The following OVCH1 variants were observed in gnomAD, a reference collection of about 807,000 sequenced individuals.
The protein encoded by OVCH1 is ovochymase 1, also known as ovochymase-1.
A neutral mutation model predicts 138.4 loss-of-function variants in OVCH1; 139 were observed. That is an observed-to-expected ratio of 1.00 (90% CI 0.87 to 1.16). The LOEUF (loss-of-function observed/expected upper bound fraction) is 1.16, where lower values mean the gene tolerates loss of function less well. OVCH1 is among the 50% of genes most tolerant of loss of function. The pLI is 0.00. For missense variants in OVCH1, 1,367 were observed against 1,357.9 expected, an observed-to-expected ratio of 1.01 and a Z score of -0.11; for synonymous variants, 453 against 467.8, an observed-to-expected ratio of 0.97 and a Z score of 0.41.
chr12:29,419,057 T>C (rs1941068547), intron 3 of OVCH1, among the ~76,000 whole-genome samples: 1 of 152,030 alleles, frequency 6.6e-6, no homozygotes, highest in South Asian at 2.1e-4. Context: ...GAGGTCTTAC[T>C]ATGTTGCCCA....
chr12:29,427,495 C>T (rs965330078), downstream of OVCH1: 68 of 1,533,786 alleles, frequency 4.4e-5, no homozygotes, highest in Admixed American at 3.4e-4. Context: ...TGATTGAGGA[C>T]GTGAAACTTG....
rs145438752 is a variant in OVCH1 at position 29,439,426 on chromosome 12, C to A, written c.3166G>T (p.Ala1056Ser). Residue 1056 changes from alanine to serine, a missense_variant, in exon 26 of 28, where the codon GCT (alanine) becomes TCT (serine). Physicochemically the swap from Ala to Ser is moderately conservative, Grantham distance 99 (BLOSUM62 1). Transcript: ENST00000318184. ...GTCAGTATCATTGCCAGAGTTCCAGCGAATGAAGCTAAGATGGTCTGAGAA... is the reference window on the plus strand; with the variant it reads ...GTCAGTATCATTGCCAGAGTTCCAGAGAATGAAGCTAAGATGGTCTGAGAA... The A allele has an allele frequency of 5.4e-5, 82 of 1,518,494 alleles. No individual in the cohort carries two copies. The African/African-American group carries it at 9.8e-4, about 18-fold the overall frequency. 94.1% of individuals were successfully genotyped at this position (1,518,494 alleles called of 1,614,324 possible).
chr12:29,491,114 C>T lies in OVCH1; in HGVS notation c.533G>A (p.Trp178Ter). 6.2e-7 allele frequency: 1 copy of T among 1,613,620 alleles called. No homozygotes were observed. The highest frequency in any genetic ancestry group is 1.1e-5 in the South Asian group (1 of 91,062). Residue 178 changes from tryptophan to a stop codon, truncating the protein, a stop_gained, in exon 5 of 28, where the codon TGG becomes TAG. Transcript: ENST00000318184. LOFTEE classifies it high-confidence loss of function. ...TCTCTTACTTTTGGAAATCTTGCCCCATCCACTGGATAAGCAAAGAATTCC... is the reference window on the plus strand; with the variant it reads ...TCTCTTACTTTTGGAAATCTTGCCCTATCCACTGGATAAGCAAAGAATTCC...
the OVCH1 span, among the ~76,000 whole-genome samples, chr12:29,405,037 A>C: frequency 8.3e-5 from 12 of 145,280 alleles, no homozygotes; most frequent in African/African-American, 3.0e-4. Flanking sequence ...AAAAAAAAAA[A>C]AAAAAAAAAA....
intron 26 of OVCH1, among the ~76,000 whole-genome samples, chr12:29,436,255 TTAA>T (rs1426819296): frequency 6.7e-6 from 1 of 149,592 alleles, no homozygotes; most frequent in African/African-American, 2.5e-5. Flanking sequence ...AAAGCTTATT[TTAA>T]TAATATAAGT....
chr12:29,484,270 T>C (rs1943024386), intron 8 of OVCH1, among the ~76,000 whole-genome samples: 1 of 152,228 alleles, frequency 6.6e-6, no homozygotes, highest in Non-Finnish European at 1.5e-5. Flanking sequence ...AGCAAAGTAT[T>C]ACCATGATCA....
chr12:29,414,744 A>AAAT (rs1302990037), intron 3 of OVCH1, among the ~76,000 whole-genome samples: 1 of 152,112 alleles, frequency 6.6e-6, no homozygotes, highest in African/African-American at 2.4e-5. Context: ...TGGAAAAAAA[A>AAAT]AATATATATA....
At chr12:29,431,004 T>C (rs1237526572) in intron 27 of OVCH1, 1 of 440,666 alleles carries the variant, frequency 2.3e-6, no homozygotes, top group Non-Finnish European at 4.5e-6. Context: ...TAATTTTTCC[T>C]CTCATGGAAT....
chr12:29,433,133 T>G (rs1176606760), intron 27 of OVCH1, among the ~76,000 whole-genome samples: 3 of 152,206 alleles, frequency 2.0e-5, no homozygotes, highest in African/African-American at 7.2e-5. Context: ...TGTTATATAT[T>G]TTTGTTGCAC....
chr12:29,473,208 A>C, intron 14 of OVCH1, 105 bp from the exon 15 acceptor site: 4 of 723,546 alleles, frequency 5.5e-6, no homozygotes, highest in Non-Finnish European at 9.4e-6. Context: ...TGTAGATCTC[A>C]CTAACACTAC....
chr12:29,495,613 A>ATT (rs373682686), intron 3 of OVCH1, among the ~76,000 whole-genome samples, 156 bp from the exon 4 acceptor site: 5,561 of 151,948 alleles, frequency 0.037, 203 homozygotes, highest in African/African-American at 0.092. Flanking sequence ...CAATGGTCAT[A>ATT]TTTTTTTTAA....
chr12:29,447,173 T>A (rs916887409), intron 22 of OVCH1, among the ~76,000 whole-genome samples: 2 of 151,976 alleles, frequency 1.3e-5, no homozygotes, highest in Non-Finnish European at 2.9e-5. Context: ...CAATTAGTTT[T>A]AAAAAAACAA....
intron 27 of OVCH1, among the ~76,000 whole-genome samples, chr12:29,432,813 CA>C: frequency 1.3e-5 from 2 of 152,202 alleles, no homozygotes; most frequent in Middle Eastern, 3.4e-3. Flanking sequence ...TGAAGGAGAC[CA>C]GTGAGCTCTC....
chr12:29,443,271 C>A, intron 25 of OVCH1, 90 bp downstream of exon 25: 1 of 1,328,098 alleles, frequency 7.5e-7, no homozygotes, highest in Non-Finnish European at 1.0e-6. Context: ...GTGTATGTCA[C>A]ATGTAAGCCA....
intron 13 of OVCH1, 21 bp downstream of exon 13, chr12:29,476,185 T>G: frequency 6.3e-7 from 1 of 1,581,070 alleles, no homozygotes; most frequent in African/African-American, 1.3e-5. Context: ...CTTTCATATT[T>G]AAAGGGTGAA....
At chr12:29,415,959 A>G (rs1357506639) in intron 3 of OVCH1, among the ~76,000 whole-genome samples, 1 of 152,126 alleles carries the variant, frequency 6.6e-6, no homozygotes, top group African/African-American at 2.4e-5. Flanking sequence ...GCTCAACAAA[A>G]AAAAAGATCC....
At chr12:29,421,419 GACTT>G (rs1441071641) in intron 3 of OVCH1, among the ~76,000 whole-genome samples, 1 of 152,114 alleles carries the variant, frequency 6.6e-6, no homozygotes, top group Non-Finnish European at 1.5e-5. Context: ...CAAGAGATGA[GACTT>G]ACCTTTTCTT....
chr12:29,411,262 T>C (rs1270856876), downstream of OVCH1, among the ~76,000 whole-genome samples: 1 of 140,834 alleles, frequency 7.1e-6, no homozygotes, highest in East Asian at 2.0e-4. Context: ...TTTCCTCCTG[T>C]AGCTCGTAGT....
intron 23 of OVCH1, 36 bp downstream of exon 23, chr12:29,445,242 T>G: frequency 6.4e-7 from 1 of 1,560,184 alleles, no homozygotes; most frequent in Non-Finnish European, 8.8e-7. Flanking sequence ...ATTGATTTCT[T>G]TAGCCTTTAC....
Sources: gnomAD v4.1 joint callset for allele counts (sites outside exome capture counted in the v4.1 genomes callset) on GRCh38, gnomAD v4.1.1 for gene constraint, MANE v1.5 for transcripts, NCBI Gene and HGNC (gene_info 2026-07-23, HGNC 2026-07-21) for gene names.